ANKRD44: variants seen among roughly 807,000 people sequenced by gnomAD.
The protein encoded by ANKRD44 is ankyrin repeat domain 44.
In ANKRD44, 35 loss-of-function variants were observed where a neutral mutation model predicts 116.0. That is an observed-to-expected ratio of 0.30 (90% CI 0.23 to 0.40). The LOEUF (loss-of-function observed/expected upper bound fraction) is 0.40. Among genes scored for constraint, ANKRD44 ranks in the 10% least tolerant of loss-of-function variants. The pLI is 1.00. For missense variants in ANKRD44, 1,014 were observed against 1,242.6 expected, an observed-to-expected ratio of 0.82 and a Z score of 2.77; for synonymous variants, 435 against 461.8, an observed-to-expected ratio of 0.94 and a Z score of 0.74.
chr2:196,997,611 G>A (rs1020470233), intron 25 of ANKRD44, among the ~76,000 whole-genome samples: 7 of 151,744 alleles, frequency 4.6e-5, no homozygotes, highest in East Asian at 1.9e-4. Context: ...CACCATGCCC[G>A]GGTAATTTTG....
chr2:197,145,425 C>A (rs78900320), intron 3 of ANKRD44, among the ~76,000 whole-genome samples: 3 of 152,168 alleles, frequency 2.0e-5, no homozygotes, highest in Non-Finnish European at 4.4e-5. Flanking sequence ...CAATTTTCCA[C>A]GGGCCAAATT....
intron 1 of ANKRD44, among the ~76,000 whole-genome samples, chr2:197,304,530 C>G (rs1267719138): frequency 6.6e-6 from 1 of 152,100 alleles, no homozygotes; most frequent in African/African-American, 2.4e-5. Flanking sequence ...TGCTATAACA[C>G]AAACCATGTG....
chr2:197,092,423 G>A (rs2078062928), intron 10 of ANKRD44, among the ~76,000 whole-genome samples: 1 of 152,208 alleles, frequency 6.6e-6, no homozygotes, highest in Non-Finnish European at 1.5e-5. Flanking sequence ...TGATGTGTGT[G>A]TGACTGTGAA....
At chr2:197,095,130 C>G (rs1399752548) in intron 10 of ANKRD44, among the ~76,000 whole-genome samples, 1 of 152,232 alleles carries the variant, frequency 6.6e-6, no homozygotes, top group Non-Finnish European at 1.5e-5. Context: ...CAAGAGTTCT[C>G]TGTGAGAATT....
chr2:197,015,702 TGGTG>T, intron 17 of ANKRD44: 1 of 544,344 alleles, frequency 1.8e-6, no homozygotes, highest in South Asian at 2.0e-5. Flanking sequence ...TTGGAGGTGA[TGGTG>T]GCACCTATGA....
chr2:197,095,696 CT>C (rs1370160246), intron 10 of ANKRD44, among the ~76,000 whole-genome samples: 6 of 152,172 alleles, frequency 3.9e-5, no homozygotes, highest in Non-Finnish European at 7.3e-5. Context: ...GGCTTTGTGA[CT>C]TTGAGCAGGT....
At chr2:196,998,044 C>G (rs1270980865) in intron 25 of ANKRD44, among the ~76,000 whole-genome samples, 1 of 151,944 alleles carries the variant, frequency 6.6e-6, no homozygotes, top group Non-Finnish European at 1.5e-5. Flanking sequence ...ACCAGAGAGA[C>G]AGATACGATG....
At chr2:197,185,260 C>T (rs921490299) in intron 2 of ANKRD44, among the ~76,000 whole-genome samples, 9 of 152,234 alleles carry the variant, frequency 5.9e-5, no homozygotes, top group Non-Finnish European at 1.3e-4. Context: ...GCAAAAATGT[C>T]ACAAACCATT....
intron 1 of ANKRD44, among the ~76,000 whole-genome samples, chr2:197,230,688 C>T (rs2081837749): frequency 6.6e-6 from 1 of 152,122 alleles, no homozygotes; most frequent in African/African-American, 2.4e-5. Flanking sequence ...CCGTAGTATC[C>T]CACAGTAACA....
intron 9 of ANKRD44, among the ~76,000 whole-genome samples, chr2:197,103,227 C>CAAAAAA (rs59073157): frequency 1.6e-4 from 16 of 103,012 alleles, no homozygotes; most frequent in African/African-American, 6.0e-4. Context: ...GACTCCATCT[C>CAAAAAA]AAAAAAAAAA....
chr2:197,073,537 A>G (rs1269549241), intron 16 of ANKRD44, among the ~76,000 whole-genome samples: 2 of 152,206 alleles, frequency 1.3e-5, no homozygotes, highest in Non-Finnish European at 2.9e-5. Flanking sequence ...CTGCCTGGCC[A>G]GCAAGTTCTG....
chr2:197,084,213 T>C (rs1433237788), intron 13 of ANKRD44, among the ~76,000 whole-genome samples: 1 of 152,118 alleles, frequency 6.6e-6, no homozygotes, highest in East Asian at 1.9e-4. Flanking sequence ...ATGTACCCAA[T>C]AGGATAACCA....
intron 16 of ANKRD44, among the ~76,000 whole-genome samples, chr2:197,064,422 T>C (rs761693739): frequency 8.5e-5 from 13 of 152,174 alleles, no homozygotes; most frequent in Non-Finnish European, 1.5e-4. Flanking sequence ...GCTAACATCA[T>C]AATGACAGGA....
chr2:196,989,282 A>C lies in ANKRD44; in HGVS notation c.*309T>G. The C allele has an allele frequency of 1.0e-6, 1 of 956,444 alleles. No homozygotes were observed. Among genetic ancestry groups the C allele is most frequent in the Non-Finnish European group, 1.2e-6 (1 of 802,030 alleles). The allele number at this position is 956,444 out of a possible 1,614,324, so 59.2% of individuals were successfully genotyped here. The stretch of plus-strand genomic sequence containing the variant: ...TGGACATTTTCTCTAGTTTGGCAAA[A>C]AAAAAAAAAAAGGTCAGCACATCAT... On this transcript the variant is annotated 3_prime_UTR_variant, in exon 28 of 28. Transcript: ENST00000282272.
rs532041564 is a variant in ANKRD44 at position 197,194,733 on chromosome 2, C to CATAG, written c.28-7631_28-7628dup. Among the ~76,000 whole-genome samples, 261 of 152,152 alleles carry CATAG rather than the reference C, an allele frequency of 1.7e-3. 1 individual carries two copies. Among genetic ancestry groups the CATAG allele is most frequent in the Middle Eastern group, 3.4e-3 (1 of 294 alleles). On this transcript the variant is annotated intron_variant, in intron 1 of 27. Transcript: ENST00000282272. ...CACAAATAGTGGCCAAATGCATATA[C>CATAG]ATAGATAGATAGATAGATATAGATA...
At chr2:197,061,508 GAGA>G (rs2077311862) in intron 16 of ANKRD44, among the ~76,000 whole-genome samples, 1 of 152,222 alleles carries the variant, frequency 6.6e-6, no homozygotes, top group Non-Finnish European at 1.5e-5. Flanking sequence ...GTAAAAACAG[GAGA>G]AGAAGAAAAT....
intron 21 of ANKRD44, among the ~76,000 whole-genome samples, chr2:196,979,797 G>A (rs2075788090): frequency 6.6e-6 from 1 of 151,804 alleles, no homozygotes; most frequent in African/African-American, 2.4e-5. Context: ...CCCAACCTCA[G>A]GTGATCTGCC....
chr2:197,131,841 T>A (rs1467048987), intron 4 of ANKRD44, among the ~76,000 whole-genome samples: 1 of 152,224 alleles, frequency 6.6e-6, no homozygotes, highest in Admixed American at 6.5e-5. Flanking sequence ...TGGGCTTCCA[T>A]AAACGTGCGT....
At chr2:197,195,502 G>A (rs1468552743) in intron 1 of ANKRD44, among the ~76,000 whole-genome samples, 2 of 152,084 alleles carry the variant, frequency 1.3e-5, no homozygotes, top group Non-Finnish European at 2.9e-5. Flanking sequence ...GCTACTTACA[G>A]GGATACGGTG....
Sources: gnomAD v4.1 joint callset for allele counts (sites outside exome capture counted in the v4.1 genomes callset) on GRCh38, gnomAD v4.1.1 for gene constraint, MANE v1.5 for transcripts, NCBI Gene and HGNC (gene_info 2026-07-23, HGNC 2026-07-21) for gene names.